The following SLC2A5 variants were observed in gnomAD, a reference collection of about 807,000 sequenced individuals.
The protein encoded by SLC2A5 is solute carrier family 2, facilitated glucose transporter member 5.
SLC2A5 carries 56 observed loss-of-function variants against 50.3 expected under a neutral mutation model. That is an observed-to-expected ratio of 1.11 (90% CI 0.90 to 1.39). The LOEUF is 1.39. SLC2A5 is among the 40% of genes most tolerant of loss of function. The pLI, the probability that SLC2A5 is intolerant of heterozygous loss-of-function variation, is 0.00. For missense variants in SLC2A5, 566 were observed against 650.1 expected (o/e 0.87, Z 1.41); for synonymous variants, 269 against 281.9 (o/e 0.95, Z 0.46).
rs1393660560 is a variant in SLC2A5 at position 9,040,631 on chromosome 1, A to G, written c.572-442T>C. 6.0e-6 allele frequency: 1 copy of G among 167,462 alleles called. No individual in the cohort carries two copies. Among genetic ancestry groups the G allele is most frequent in the Admixed American group, 5.8e-5 (1 of 17,204 alleles). The allele number at this position is 167,462 out of a possible 1,614,324, so 10.4% of individuals were successfully genotyped here. On this transcript the variant is annotated intron_variant, in intron 5 of 11. Transcript: ENST00000377424. The surrounding 1 kb of genome is among the most constrained non-coding windows in gnomAD (Gnocchi z 4.3). ...ACCAGAAACAGTGGGAATATCGTTA[A>G]CATTCCACATAGAGGGGACACATGG...
In SLC2A5 at chr1:9,042,227, C is replaced by A. The variant is rs1361464371; in HGVS notation, c.419-290G>T. Among the ~76,000 whole-genome samples the A allele has an allele frequency of 2.0e-5, 3 of 152,154 alleles. No homozygotes were observed. In the East Asian group the frequency reaches 5.8e-4, roughly 29 times the overall value. ...GCTCCCTGGCCTGAGTCTAGACCCA[C>A]TCACGTTTCTGCTTTTTGAGGAGGG... On this transcript the variant is annotated intron_variant, in intron 4 of 11. Transcript: ENST00000377424.
chr1:9,051,195 AAG>A (rs1203554373), intron 3 of SLC2A5, among the ~76,000 whole-genome samples: 6 of 152,020 alleles, frequency 3.9e-5, no homozygotes, highest in African/African-American at 9.7e-5. Context: ...AAGAAAGAAA[AAG>A]AGAAGAAGGA....
intron 1 of SLC2A5, among the ~76,000 whole-genome samples, chr1:9,061,649 G>A (rs906275254): frequency 2.6e-5 from 4 of 151,500 alleles, no homozygotes; most frequent in Non-Finnish European, 5.9e-5. Context: ...TCAGTAAGAC[G>A]AAAGTGCAAC....
chr1:9,044,071 G>A (rs1641378579), intron 4 of SLC2A5, among the ~76,000 whole-genome samples: 1 of 151,298 alleles, frequency 6.6e-6, no homozygotes, highest in South Asian at 2.1e-4. Flanking sequence ...GCTCACCCCT[G>A]TAATCCCAGC....
chr1:9,056,759 C>G (rs1012323516), intron 3 of SLC2A5, among the ~76,000 whole-genome samples: 2 of 152,168 alleles, frequency 1.3e-5, no homozygotes, highest in Admixed American at 6.5e-5. Context: ...AAAGATACAG[C>G]CCTGACCCCT....
At position 9,036,387 on chromosome 1, in the gene SLC2A5, G is replaced by A. The variant is rs1374764160; in HGVS notation, c.*1199C>T. On this transcript the variant is annotated 3_prime_UTR_variant, in exon 12 of 12. Coordinates refer to ENST00000377424, the MANE Select transcript of SLC2A5 (RefSeq NM_003039.3). ...ATCTCACTGTGTTGCCCAGGCTGGAGTATAGGGTGCAATTTCAGCTCACTG... is the reference window on the plus strand; with the variant it reads ...ATCTCACTGTGTTGCCCAGGCTGGAATATAGGGTGCAATTTCAGCTCACTG... 2 of 152,098 alleles carry A rather than the reference G, an allele frequency of 1.3e-5. No individual in the cohort carries two copies. Among genetic ancestry groups the A allele is most frequent in the Non-Finnish European group, 2.9e-5 (2 of 68,042 alleles). 9.4% of individuals were successfully genotyped at this position (152,098 alleles called of 1,614,324 possible). A position where few individuals can be genotyped will look rare whatever the true frequency, so the allele number is the denominator to read the frequency against.
At chr1:9,060,213 TCATGTAACAAACAATACACACACACCCCC>T (rs2124419207) in intron 1 of SLC2A5, among the ~76,000 whole-genome samples, 1 of 115,030 alleles carries the variant, frequency 8.7e-6, no homozygotes, top group Admixed American at 9.3e-5. Context: ...CACACGCCCC[TCATGTAACAAACAATACACACACACCCCC>T]CATGTACACA....
chr1:9,070,862 C>CG (rs906298564), upstream of SLC2A5, among the ~76,000 whole-genome samples: 182 of 150,926 alleles, frequency 1.2e-3, no homozygotes, highest in African/African-American at 4.2e-3. Flanking sequence ...GTTGGGGGGT[C>CG]GGGGGGGTCC....
intron 1 of SLC2A5, among the ~76,000 whole-genome samples, chr1:9,087,797 C>T (rs12751466): frequency 0.18 from 27,807 of 152,048 alleles, 2,904 homozygotes; most frequent in East Asian, 0.45. Context: ...TCCAACTGCC[C>T]GCAACAGGTA....
chr1:9,077,042 C>T (rs1010768428), intron 2 of SLC2A5, among the ~76,000 whole-genome samples: 1 of 151,206 alleles, frequency 6.6e-6, no homozygotes, highest in African/African-American at 2.4e-5. Flanking sequence ...TCGCCTCAGC[C>T]TCCCAAAGTG....
chr1:9,044,902 A>C (rs116766649), intron 4 of SLC2A5, among the ~76,000 whole-genome samples: 1,895 of 152,214 alleles, frequency 0.012, 36 homozygotes, highest in African/African-American at 0.043. Flanking sequence ...CAGCTTGATG[A>C]TCCACTTTGC....
At position 9,037,499 on chromosome 1, in the gene SLC2A5, G is replaced by T; in HGVS notation, c.*87C>A. 2.7e-6 allele frequency: 3 copies of T among 1,092,890 alleles called. No homozygotes were observed. The highest frequency in any genetic ancestry group is 2.8e-6 in the Non-Finnish European group (2 of 722,878). 67.7% of individuals were successfully genotyped at this position (1,092,890 alleles called of 1,614,324 possible). On this transcript the variant is annotated 3_prime_UTR_variant, in exon 12 of 12. Transcript: ENST00000377424. The stretch of plus-strand genomic sequence containing the variant: ...TCCACATCAGAGTTGTTTTATTTCT[G>T]GATATTCACAGACAGCTAGAAGTCA...
chr1:9,058,341 T>G (rs1641818102), intron 1 of SLC2A5, 91 bp from the exon 2 acceptor site: 1 of 869,644 alleles, frequency 1.1e-6, no homozygotes, highest in African/African-American at 1.7e-5. Flanking sequence ...TGTAACAGAA[T>G]CTGAAGATCC....
chr1:9,037,508 C>A lies in SLC2A5; in HGVS notation c.*78G>T. The A allele has an allele frequency of 8.4e-7, 1 of 1,195,180 alleles. No homozygotes were observed. Among genetic ancestry groups the A allele is most frequent in the Non-Finnish European group, 1.2e-6 (1 of 810,826 alleles). The allele number at this position is 1,195,180 out of a possible 1,614,324, so 74.0% of individuals were successfully genotyped here. A position where few individuals can be genotyped will look rare whatever the true frequency, so the allele number is the denominator to read the frequency against. On this transcript the variant is annotated 3_prime_UTR_variant, in exon 12 of 12. Coordinates refer to ENST00000377424, the MANE Select transcript of SLC2A5 (RefSeq NM_003039.3). ...GAGTTGTTTTATTTCTGGATATTCA[C>A]AGACAGCTAGAAGTCAGAAAAATAA...
intron 4 of SLC2A5, among the ~76,000 whole-genome samples, chr1:9,042,864 A>G (rs28730419): frequency 6.6e-6 from 1 of 152,158 alleles, no homozygotes; most frequent in Non-Finnish European, 1.5e-5. Context: ...AACACATATT[A>G]CGGAATATCT....
At chr1:9,038,143 G>T in intron 10 of SLC2A5, 119 bp from the exon 11 acceptor site, 1 of 1,221,400 alleles carries the variant, frequency 8.2e-7, no homozygotes, top group Non-Finnish European at 1.1e-6. Context: ...GGACTCTTGG[G>T]CATGTGGGGC....
intron 4 of SLC2A5, 82 bp downstream of exon 4, chr1:9,047,528 G>T: frequency 6.9e-7 from 1 of 1,441,980 alleles, no homozygotes. Context: ...AGACATCACA[G>T]ATTGGTTCTA....
In SLC2A5 at chr1:9,038,302, G is replaced by A. The variant is rs111429581; in HGVS notation, c.1174+129C>T. The A allele has an allele frequency of 6.6e-5, 49 of 745,142 alleles. 1 individual carries two copies. The highest frequency in any genetic ancestry group is 3.1e-4 in the Middle Eastern group (1 of 3,222). 46.2% of individuals were successfully genotyped at this position (745,142 alleles called of 1,614,324 possible). On this transcript the variant is annotated intron_variant, in intron 10 of 11. Coordinates refer to ENST00000377424, the MANE Select transcript of SLC2A5 (RefSeq NM_003039.3). ...CATTATGTGCCACCCACCCCCTTGC[G>A]GTGGACGGGGGAAGAGATGCCATTT...
chr1:9,077,530 C>G (rs916094120), intron 2 of SLC2A5, among the ~76,000 whole-genome samples: 9 of 150,578 alleles, frequency 6.0e-5, no homozygotes, highest in Non-Finnish European at 1.2e-4. Flanking sequence ...CGCCTGAGGT[C>G]AGGAGTTCAA....
Sources: gnomAD v4.1 joint callset for allele counts (sites outside exome capture counted in the v4.1 genomes callset) on GRCh38, gnomAD v4.1.1 for gene constraint, Gnocchi (gnomAD v3.1) non-coding constraint, MANE v1.5 for transcripts, NCBI Gene and HGNC (gene_info 2026-07-23, HGNC 2026-07-21) for gene names.